The following COL9A1 variants were observed in gnomAD, a reference collection of about 807,000 sequenced individuals.
COL9A1 encodes collagen type IX alpha 1 chain, also known as collagen alpha-1(IX) chain.
Under a neutral mutation model 142.6 loss-of-function variants are expected in COL9A1, and 104 were observed. That is an observed-to-expected ratio of 0.73 (90% confidence interval 0.62 to 0.86). COL9A1 has a LOEUF of 0.86. Ranked by LOEUF, COL9A1 falls within the 40% of genes least tolerant of loss-of-function variation. COL9A1 has a pLI of 0.00. For missense variants in COL9A1, 1,210 were observed against 1,176.6 expected (o/e 1.03, Z -0.42); for synonymous variants, 466 against 396.0 (o/e 1.18, Z -2.10).
intron 10 of COL9A1, chr6:70,275,044 GT>G: frequency 4.5e-6 from 2 of 448,602 alleles, no homozygotes; most frequent in East Asian, 4.1e-5. Context: ...ATAATTCAGT[GT>G]TTTTTGTCTC....
intron 36 of COL9A1, among the ~76,000 whole-genome samples, chr6:70,232,060 A>G (rs1374510563): frequency 7.0e-6 from 1 of 142,898 alleles, no homozygotes; most frequent in Non-Finnish European, 1.6e-5. Flanking sequence ...TGTACTTCAG[A>G]GCTGAAAAAA....
intron 33 of COL9A1, among the ~76,000 whole-genome samples, chr6:70,235,143 C>G (rs1769824635): frequency 6.6e-6 from 1 of 152,194 alleles, no homozygotes; most frequent in Admixed American, 6.5e-5. Context: ...AAATCTAGTT[C>G]AAGTTAACTT....
chr6:70,244,153 T>C (rs1271958496), intron 28 of COL9A1, among the ~76,000 whole-genome samples: 1 of 152,252 alleles, frequency 6.6e-6, no homozygotes, highest in Non-Finnish European at 1.5e-5. Flanking sequence ...AATAATTTCA[T>C]AGTAGTCATT....
chr6:70,280,413 AGGCTAGCTTCCAGGAG>A (rs1773070603), intron 10 of COL9A1: 2 of 1,191,566 alleles, frequency 1.7e-6, no homozygotes, highest in Admixed American at 4.1e-5. Context: ...GCAAGGGCGA[AGGCTAGCTTCCAGGAG>A]CCTGCCAGTG....
chr6:70,253,100 A>G (rs1004160066), intron 26 of COL9A1, among the ~76,000 whole-genome samples: 7 of 152,206 alleles, frequency 4.6e-5, no homozygotes, highest in African/African-American at 1.7e-4. Context: ...GCTTAATAAT[A>G]TCTTCCTTAT....
At chr6:70,225,880 T>C in intron 37 of COL9A1, 52 bp downstream of exon 37, 1 of 1,299,676 alleles carries the variant, frequency 7.7e-7, no homozygotes, top group Non-Finnish European at 1.1e-6. Flanking sequence ...TCAGGCTGTG[T>C]ACTTGCTACC....
intron 5 of COL9A1, among the ~76,000 whole-genome samples, chr6:70,287,269 C>T (rs1420015197): frequency 2.6e-5 from 4 of 151,984 alleles, no homozygotes; most frequent in Admixed American, 6.5e-5. Context: ...AGTAGACATC[C>T]GATTTTTTTT....
Position 70,294,270 on chromosome 6 carries a change from C to A in COL9A1, c.593G>T (p.Cys198Phe), listed in dbSNP as rs1773763790. 3 of 1,614,026 alleles carry A rather than the reference C, an allele frequency of 1.9e-6. No individual in the cohort carries two copies. Among genetic ancestry groups the A allele is most frequent in the Non-Finnish European group, 1.7e-6 (2 of 1,179,946 alleles). Residue 198 changes from cysteine to phenylalanine, a missense_variant, in exon 5 of 38, where the codon TGC becomes TTC. Physicochemically the swap from Cys to Phe is radical, Grantham distance 205. Coordinates refer to ENST00000357250, the MANE Select transcript of COL9A1 (RefSeq NM_001851.6). The part of the protein sequence containing the change: ...ERSSATLFVD[C>F]NRIESLPIKP... Reference sequence around the variant, plus strand: ...TATAGGTAAAGATTCAATCCTGTTGCAGTCAACAAAAAGAGTAGCACTACT... The same window carrying A: ...TATAGGTAAAGATTCAATCCTGTTGAAGTCAACAAAAAGAGTAGCACTACT...
chr6:70,250,687 A>G (rs1198649199), intron 28 of COL9A1, among the ~76,000 whole-genome samples: 1 of 152,210 alleles, frequency 6.6e-6, no homozygotes, highest in Non-Finnish European at 1.5e-5. Flanking sequence ...AAAAAGTAAT[A>G]ATGATATTTG....
In COL9A1 at chr6:70,302,992, C is replaced by T. The variant is rs1261247508; in HGVS notation, c.-68G>A. 13 of 1,465,374 alleles carry T rather than the reference C, an allele frequency of 8.9e-6. No individual in the cohort carries two copies. Among genetic ancestry groups the T allele is most frequent in the African/African-American group, 1.4e-5 (1 of 71,734 alleles). The allele number at this position is 1,465,374 out of a possible 1,614,324, so 90.8% of individuals were successfully genotyped here. On this transcript the variant is annotated 5_prime_UTR_variant, in exon 1 of 38. Transcript: ENST00000357250. ...GAAGGGGTTGGAAGGGAGTCACTGT[C>T]CCCTCACGACCCCTTCACTGTTACC...
Position 70,294,188 on chromosome 6 carries a change from A to G in COL9A1, c.675T>C (p.Asp225=). The change falls in exon 5 of 38, where the codon GAT becomes GAC. Residue 225 remains aspartate, a synonymous_variant. Transcript: ENST00000357250. ...DGFAVLGKLA[D]NPQVSVPFEL... Reference sequence around the variant, plus strand: ...TTACTGGAACAGAAACTTGAGGATTATCTGCAAGTTTTCCCAGCACAGCAA... The same window carrying G: ...TTACTGGAACAGAAACTTGAGGATTGTCTGCAAGTTTTCCCAGCACAGCAA... 6.2e-7 allele frequency: 1 copy of G among 1,614,082 alleles called. No homozygotes were observed. Among genetic ancestry groups the G allele is most frequent in the South Asian group, 1.1e-5 (1 of 91,080 alleles).
chr6:70,255,286 G>C, intron 22 of COL9A1, 51 bp downstream of exon 22: 2 of 1,609,146 alleles, frequency 1.2e-6, no homozygotes, highest in Non-Finnish European at 1.7e-6. Flanking sequence ...AGCATAATCA[G>C]CAGATGACAC....
chr6:70,252,129 C>T lies in COL9A1; in HGVS notation c.1863G>A (p.Gln621=). The change falls in exon 28 of 38, where the codon CAG becomes CAA. Residue 621 remains glutamine, a synonymous_variant. Coordinates refer to ENST00000357250, the MANE Select transcript of COL9A1 (RefSeq NM_001851.6). Reference sequence around the variant, plus strand: ...AGCAAGGAATACTCACAGGAAGCCCCTGGGGTCCTCGGGGTCCCACCTCTC... The same window carrying T: ...AGCAAGGAATACTCACAGGAAGCCCTTGGGGTCCTCGGGGTCCCACCTCTC... The part of the protein sequence containing the change: ...PPGEVGPRGP[Q]GLPGSRGELG... 2 of 1,614,018 alleles carry T rather than the reference C, an allele frequency of 1.2e-6. No homozygotes were observed. Among genetic ancestry groups the T allele is most frequent in the Non-Finnish European group, 1.7e-6 (2 of 1,179,912 alleles).
At chr6:70,302,848 C>T in intron 1 of COL9A1, 63 bp downstream of exon 1, 1 of 1,569,552 alleles carries the variant, frequency 6.4e-7, no homozygotes, top group Non-Finnish European at 8.8e-7. Flanking sequence ...AAAATACAGA[C>T]CCTTGGTTCT....
chr6:70,249,162 T>G (rs1770778416), intron 28 of COL9A1, among the ~76,000 whole-genome samples: 1 of 119,196 alleles, frequency 8.4e-6, no homozygotes, highest in South Asian at 2.3e-4. Flanking sequence ...TCTCTTACTG[T>G]CCGTGGAAAT....
At chr6:70,280,908 A>AG in intron 9 of COL9A1, 34 bp from the exon 10 acceptor site, 1 of 1,613,444 alleles carries the variant, frequency 6.2e-7, no homozygotes. Context: ...GGGGCAGGAG[A>AG]GAAAAAGGTG....
chr6:70,245,162 A>AGGT (rs1770513964), intron 28 of COL9A1, among the ~76,000 whole-genome samples: 1 of 152,226 alleles, frequency 6.6e-6, no homozygotes, highest in Non-Finnish European at 1.5e-5. Context: ...GTTACAAACA[A>AGGT]GGTGTTGGGG....
intron 10 of COL9A1, 52 bp from the exon 11 acceptor site, chr6:70,274,824 C>G: frequency 7.0e-7 from 1 of 1,429,034 alleles, no homozygotes; most frequent in Non-Finnish European, 9.9e-7. Flanking sequence ...CTTAGGCAAA[C>G]CACTAAGTAG....
intron 2 of COL9A1, among the ~76,000 whole-genome samples, chr6:70,301,637 T>A (rs1210549350): frequency 6.6e-6 from 1 of 152,102 alleles, no homozygotes; most frequent in Non-Finnish European, 1.5e-5. Context: ...ACATCAAACA[T>A]GCTCTTTATA....
Sources: gnomAD v4.1 joint callset for allele counts (sites outside exome capture counted in the v4.1 genomes callset) on GRCh38, gnomAD v4.1.1 for gene constraint, MANE v1.5 for transcripts, NCBI Gene and HGNC (gene_info 2026-07-23, HGNC 2026-07-21) for gene names.